Variants in MAD1L1 observed in about 807,000 individuals in gnomAD.
The protein encoded by MAD1L1 is mitotic spindle assembly checkpoint protein MAD1.
MAD1L1 carries 95 observed loss-of-function variants against 96.9 expected under a neutral mutation model. The observed-to-expected ratio is 0.98, with a 90% CI of 0.83 to 1.16. The LOEUF is 1.16. Ranked by LOEUF, MAD1L1 falls within the 50% of genes most tolerant of loss-of-function variation. The pLI, the probability that MAD1L1 is intolerant of heterozygous loss-of-function variation, is 0.00. For missense variants in MAD1L1, 1,007 were observed against 954.4 expected (o/e 1.06, Z -0.73); for synonymous variants, 473 against 396.6 (o/e 1.19, Z -2.29).
At chr7:1,912,266 GAGAC>G (rs1481958261) in intron 17 of MAD1L1, among the ~76,000 whole-genome samples, 2 of 152,240 alleles carry the variant, frequency 1.3e-5, no homozygotes, top group African/African-American at 4.8e-5. Context: ...GGCCATCTGA[GAGAC>G]AGACAGCAAA....
intron 12 of MAD1L1, among the ~76,000 whole-genome samples, chr7:2,062,690 G>A (rs1005790191): frequency 6.6e-6 from 1 of 152,188 alleles, no homozygotes. Flanking sequence ...CTCTTCTAGA[G>A]TCTGTCCTGG....
chr7:1,930,658 G>C (rs1372559454), intron 17 of MAD1L1, among the ~76,000 whole-genome samples: 1 of 150,132 alleles, frequency 6.7e-6, no homozygotes, highest in African/African-American at 2.5e-5. Context: ...TTCCTTGGGG[G>C]CCCTGATTCC....
At chr7:2,149,004 C>A (rs2128579932) in intron 11 of MAD1L1, 148 bp downstream of exon 11, 1 of 686,756 alleles carries the variant, frequency 1.5e-6, no homozygotes, top group East Asian at 2.7e-5. Context: ...TCCCTCAAAT[C>A]CCTGCTCCCC....
At chr7:2,194,412 C>T (rs746778857) in intron 10 of MAD1L1, among the ~76,000 whole-genome samples, 3 of 152,228 alleles carry the variant, frequency 2.0e-5, no homozygotes, top group African/African-American at 7.2e-5. Flanking sequence ...TTCATTTACG[C>T]ACTGTCTACA....
At chr7:2,124,282 G>C (rs945999843) in intron 11 of MAD1L1, among the ~76,000 whole-genome samples, 13 of 152,192 alleles carry the variant, frequency 8.5e-5, no homozygotes, top group African/African-American at 2.9e-4. Context: ...AAGACTCCAG[G>C]GGCACGAGGG....
intron 17 of MAD1L1, among the ~76,000 whole-genome samples, chr7:1,920,218 T>C (rs1376530967): frequency 6.6e-6 from 1 of 152,212 alleles, no homozygotes; most frequent in African/African-American, 2.4e-5. Flanking sequence ...GCCAACTCCC[T>C]GTAACAAGCA....
intron 11 of MAD1L1, among the ~76,000 whole-genome samples, chr7:2,137,890 T>C (rs576784398): frequency 3.9e-5 from 6 of 152,254 alleles, no homozygotes; most frequent in South Asian, 4.1e-4. Flanking sequence ...ATACCGGCCA[T>C]GATGGCAGCT....
chr7:2,206,331 AT>A (rs1792595305), intron 10 of MAD1L1, among the ~76,000 whole-genome samples: 1 of 152,148 alleles, frequency 6.6e-6, no homozygotes, highest in South Asian at 2.1e-4. Flanking sequence ...GAAGTTTTCA[AT>A]TTTGATGAAG....
intron 12 of MAD1L1, among the ~76,000 whole-genome samples, chr7:2,067,234 C>T (rs928175937): frequency 2.0e-5 from 3 of 149,844 alleles, no homozygotes; most frequent in Non-Finnish European, 4.5e-5. Flanking sequence ...CGCAGGCACC[C>T]GGGGTCATCA....
intron 18 of MAD1L1, among the ~76,000 whole-genome samples, chr7:1,862,472 C>G (rs1242993735): frequency 2.6e-5 from 4 of 152,222 alleles, no homozygotes; most frequent in African/African-American, 9.7e-5. Context: ...AGTCCCGAGA[C>G]TGCAGCAGGG....
chr7:1,844,444 G>A (rs1783473163), intron 18 of MAD1L1, among the ~76,000 whole-genome samples: 1 of 152,112 alleles, frequency 6.6e-6, no homozygotes, highest in South Asian at 2.1e-4. Flanking sequence ...ACCCTGACAC[G>A]CGAGGTGTGG....
At chr7:2,060,204 C>T (rs886669938) in intron 12 of MAD1L1, among the ~76,000 whole-genome samples, 4 of 148,924 alleles carry the variant, frequency 2.7e-5, no homozygotes, top group African/African-American at 1.0e-4. Flanking sequence ...CCAAGATACG[C>T]AGATGCCAAG....
chr7:1,872,052 C>T (rs1785139883), intron 18 of MAD1L1, among the ~76,000 whole-genome samples: 1 of 152,162 alleles, frequency 6.6e-6, no homozygotes, highest in Non-Finnish European at 1.5e-5. Context: ...CTCCTGCTGA[C>T]AGATACAGGC....
At chr7:1,942,000 C>A (rs1779023657) in intron 16 of MAD1L1, among the ~76,000 whole-genome samples, 1 of 152,206 alleles carries the variant, frequency 6.6e-6, no homozygotes, top group African/African-American at 2.4e-5. Context: ...GAGGGGCAGA[C>A]TGGGCACCAC....
chr7:1,830,170 G>T (rs573523754), intron 18 of MAD1L1, among the ~76,000 whole-genome samples: 1 of 152,338 alleles, frequency 6.6e-6, no homozygotes, highest in African/African-American at 2.4e-5. Flanking sequence ...GCCGAGGTGG[G>T]AGGATCACCT....
In MAD1L1 at chr7:2,118,971, A is replaced by G. The variant is rs1787850956; in HGVS notation, c.1073+30181T>C. ...CCTGGAGCTGAGACGTCCTCCATCAAGGCCAAAAGCTCCACACGCCCAGCT... is the reference window on the plus strand; with the variant it reads ...CCTGGAGCTGAGACGTCCTCCATCAGGGCCAAAAGCTCCACACGCCCAGCT... On this transcript the variant is annotated intron_variant, in intron 11 of 18. Transcript: ENST00000265854. 2.0e-5 allele frequency among the ~76,000 whole-genome samples: 3 copies of G among 152,012 alleles called. 1 individual carries two copies. The South Asian group carries it at 6.2e-4, about 32-fold the overall frequency.
intron 17 of MAD1L1, among the ~76,000 whole-genome samples, chr7:1,909,258 G>A (rs1787863790): frequency 6.6e-6 from 1 of 152,184 alleles, no homozygotes; most frequent in South Asian, 2.1e-4. Context: ...TGGGGGAGCC[G>A]CCCGAGTGTC....
At chr7:2,098,965 A>C (rs1181306113) in intron 11 of MAD1L1, among the ~76,000 whole-genome samples, 1 of 152,214 alleles carries the variant, frequency 6.6e-6, no homozygotes, top group Admixed American at 6.5e-5. Context: ...GGGAATTCTT[A>C]TAGAGGAAAC....
intron 11 of MAD1L1, among the ~76,000 whole-genome samples, chr7:2,112,945 G>C (rs891574067): frequency 1.3e-5 from 2 of 152,186 alleles, no homozygotes; most frequent in African/African-American, 4.8e-5. Context: ...CAGTGACCAA[G>C]GCTGAAATAC....
Sources: allele counts gnomAD v4.1 joint callset (sites outside exome capture counted in the v4.1 genomes callset), GRCh38; gene constraint gnomAD v4.1.1; transcripts MANE v1.5; gene names NCBI Gene and HGNC (gene_info 2026-07-23, HGNC 2026-07-21).